The following SPATA13 variants were observed in gnomAD, a reference collection of about 807,000 sequenced individuals.
SPATA13 encodes the protein spermatogenesis-associated protein 13.
SPATA13 carries 50 observed loss-of-function variants against 104.0 expected under a neutral mutation model. The ratio of observed to expected loss-of-function variants is 0.48; its 90% CI spans 0.38 to 0.61. The LOEUF (loss-of-function observed/expected upper bound fraction) is 0.61, where lower values mean the gene tolerates loss of function less well. SPATA13 is among the 20% of genes least tolerant of loss of function. The pLI, the probability that SPATA13 is intolerant of heterozygous loss-of-function variation, is 0.00. For missense variants in SPATA13, 1,524 were observed against 1,690.6 expected (o/e 0.90, Z 1.73); for synonymous variants, 606 against 667.5 (o/e 0.91, Z 1.42).
Position 24,289,181 on chromosome 13 carries a change from G to T in SPATA13, c.2847+3G>T, listed in dbSNP as rs1395466552. On this transcript the variant is annotated splice_donor_region_variant and intron_variant, in intron 8 of 12. Transcript: ENST00000382108. Reference sequence around the variant, plus strand: ...TAGGATCTTGCTTTCTTCAAAATGTGCGTCACCCTTTACTTCATTATTAAT... The same window carrying T: ...TAGGATCTTGCTTTCTTCAAAATGTTCGTCACCCTTTACTTCATTATTAAT... 8 of 1,606,162 alleles carry T rather than the reference G, an allele frequency of 5.0e-6. No homozygotes were observed. The African/African-American group carries it at 1.1e-4, about 22-fold the overall frequency.
intron 2 of SPATA13, among the ~76,000 whole-genome samples, chr13:24,242,127 G>A (rs1872870391): frequency 6.6e-6 from 1 of 150,378 alleles, no homozygotes; most frequent in Non-Finnish European, 1.5e-5. Flanking sequence ...AACCAAATAT[G>A]AATTTACTCC....
chr13:24,109,576 T>C (rs1880570408), intron 3 of SPATA13, among the ~76,000 whole-genome samples: 4 of 152,146 alleles, frequency 2.6e-5, no homozygotes. Context: ...GGTGACAAGA[T>C]AGAGATAGAG....
At chr13:24,010,326 TTC>T (rs1458390933) in intron 2 of SPATA13, among the ~76,000 whole-genome samples, 1 of 152,102 alleles carries the variant, frequency 6.6e-6, no homozygotes, top group African/African-American at 2.4e-5. Flanking sequence ...TGACTTTGAG[TTC>T]TCTTCTTTGT....
chr13:24,112,333 G>T (rs1677039448), intron 3 of SPATA13, among the ~76,000 whole-genome samples: 1 of 148,572 alleles, frequency 6.7e-6, no homozygotes, highest in Non-Finnish European at 1.5e-5. Flanking sequence ...CTCTGCTCTT[G>T]TTGCCCCTAC....
At chr13:24,207,636 T>A (rs1870778469) in intron 1 of SPATA13, among the ~76,000 whole-genome samples, 1 of 152,210 alleles carries the variant, frequency 6.6e-6, no homozygotes, top group Non-Finnish European at 1.5e-5. Context: ...AGATGTGAAG[T>A]GGCTAGTGTT....
At chr13:24,199,289 G>C (rs1203069742) in intron 1 of SPATA13, among the ~76,000 whole-genome samples, 1 of 152,196 alleles carries the variant, frequency 6.6e-6, no homozygotes, top group African/African-American at 2.4e-5. Context: ...CTCTTCGGAA[G>C]GTGGGAAGCT....
chr13:24,230,805 T>A (rs908453185), intron 2 of SPATA13, among the ~76,000 whole-genome samples: 23 of 152,164 alleles, frequency 1.5e-4, no homozygotes, highest in African/African-American at 4.3e-4. Flanking sequence ...CAGTTAGGTC[T>A]GGACATCATT....
intron 4 of SPATA13, chr13:24,278,771 AAAAAGAAAAATATAG>A: frequency 6.2e-7 from 1 of 1,601,662 alleles, no homozygotes; most frequent in Non-Finnish European, 8.5e-7. Context: ...CTCATACTCA[AAAAAGAAAAATATAG>A]AAAAGAAAAA....
intron 3 of SPATA13, among the ~76,000 whole-genome samples, chr13:24,066,926 A>G (rs1378951959): frequency 2.0e-5 from 3 of 152,308 alleles, no homozygotes; most frequent in East Asian, 1.9e-4. Context: ...AACCAAGCAG[A>G]GGCCTGGGGT....
At chr13:24,028,680 C>T (rs1877342557) in intron 3 of SPATA13, among the ~76,000 whole-genome samples, 1 of 152,126 alleles carries the variant, frequency 6.6e-6, no homozygotes, top group African/African-American at 2.4e-5. Flanking sequence ...TTTTATTCAC[C>T]TTACTATCTT....
intron 2 of SPATA13, among the ~76,000 whole-genome samples, chr13:24,231,581 G>T (rs1872276452): frequency 6.6e-6 from 1 of 152,160 alleles, no homozygotes; most frequent in Non-Finnish European, 1.5e-5. Flanking sequence ...ACAAGTCCTT[G>T]GGTGGAAATA....
intron 3 of SPATA13, among the ~76,000 whole-genome samples, chr13:24,019,601 C>T (rs374765674): frequency 4.6e-4 from 70 of 152,192 alleles, no homozygotes; most frequent in African/African-American, 1.6e-3. Flanking sequence ...CAGAATATTA[C>T]TAGTGCATTC....
intron 3 of SPATA13, among the ~76,000 whole-genome samples, chr13:24,045,799 C>T (rs1878122285): frequency 6.6e-6 from 1 of 152,220 alleles, no homozygotes; most frequent in South Asian, 2.1e-4. Context: ...CAACTGCAGG[C>T]TCTCGGCCTA....
intron 3 of SPATA13, among the ~76,000 whole-genome samples, chr13:24,047,410 C>A (rs1390636877): frequency 6.6e-6 from 1 of 152,184 alleles, no homozygotes; most frequent in Non-Finnish European, 1.5e-5. Flanking sequence ...TGTGGCCCTG[C>A]ATTCATTTTA....
chr13:24,231,394 C>T (rs1872265675), intron 2 of SPATA13, among the ~76,000 whole-genome samples: 1 of 152,094 alleles, frequency 6.6e-6, no homozygotes, highest in Non-Finnish European at 1.5e-5. Context: ...TGAGCAAAAC[C>T]TTGTTTTCAA....
intron 4 of SPATA13, among the ~76,000 whole-genome samples, chr13:24,260,617 A>C (rs763883603): frequency 2.0e-5 from 3 of 152,254 alleles, no homozygotes; most frequent in Non-Finnish European, 4.4e-5. Flanking sequence ...TACTTTGGAG[A>C]AACCCAATGA....
In SPATA13 at chr13:24,076,645, T is replaced by A. The variant is rs1441258572; in HGVS notation, c.-112+58944T>A. 2.6e-5 allele frequency among the ~76,000 whole-genome samples: 4 copies of A among 151,448 alleles called. No homozygotes were observed. In the East Asian group the frequency reaches 7.8e-4, roughly 29 times the overall value. ...GGGTCTGGGGTGGTGCTGTGGGGGA[T>A]GCAAAATGCAGAAACGAAGACAATG... is the stretch of plus-strand genomic sequence containing the variant. On this transcript the variant is annotated intron_variant, in intron 3 of 14. Transcript: ENST00000424834.
chr13:24,187,921 C>T (rs1302004424), intron 1 of SPATA13, among the ~76,000 whole-genome samples: 1 of 152,146 alleles, frequency 6.6e-6, no homozygotes, highest in Non-Finnish European at 1.5e-5. Context: ...AAATCCAAAG[C>T]TAGGAATGAT....
chr13:24,281,035 ATAGCTGGCTCCCTGCTGCC>A (rs200703541), intron 4 of SPATA13, among the ~76,000 whole-genome samples: 1,875 of 152,268 alleles, frequency 0.012, 21 homozygotes, highest in Middle Eastern at 0.02. Flanking sequence ...ACACACATGC[ATAGCTGGCTCCCTGCTGCC>A]CACCCACCCG....
Sources: gnomAD v4.1 joint callset for allele counts (sites outside exome capture counted in the v4.1 genomes callset) on GRCh38, gnomAD v4.1.1 for gene constraint, MANE v1.5 for transcripts, NCBI Gene and HGNC (gene_info 2026-07-23, HGNC 2026-07-21) for gene names.